The following FAM227B variants were observed in gnomAD, a reference collection of about 807,000 sequenced individuals.
FAM227B encodes family with sequence similarity 227 member B, also known as protein FAM227B.
Under a neutral mutation model 73.8 loss-of-function variants are expected in FAM227B, and 88 were observed. The ratio of observed to expected loss-of-function variants is 1.19; its 90% CI spans 1.00 to 1.42. FAM227B has a LOEUF of 1.42. FAM227B is among the 40% of genes most tolerant of loss of function. The pLI is 0.00. For synonymous variants in FAM227B, 210 were observed against 190.5 expected, an observed-to-expected ratio of 1.10 and a Z score of -0.84; for missense variants, 632 against 590.9, an observed-to-expected ratio of 1.07 and a Z score of -0.72.
chr15:49,538,604 C>T (rs1196779376), intron 10 of FAM227B, among the ~76,000 whole-genome samples: 1 of 152,128 alleles, frequency 6.6e-6, no homozygotes, highest in African/African-American at 2.4e-5. Flanking sequence ...TAAAATTTAA[C>T]TCTTTTAATG....
intron 9 of FAM227B, among the ~76,000 whole-genome samples, chr15:49,559,505 C>T (rs1332055711): frequency 6.6e-6 from 1 of 152,142 alleles, no homozygotes; most frequent in African/African-American, 2.4e-5. Context: ...CTAGGTCAAA[C>T]TGCACAGCTC....
At chr15:49,374,636 C>T (rs1260792893) in intron 11 of FAM227B, among the ~76,000 whole-genome samples, 2 of 152,194 alleles carry the variant, frequency 1.3e-5, no homozygotes, top group East Asian at 3.9e-4. Flanking sequence ...CTCCGCCTCC[C>T]AGGTTCAAGC....
chr15:49,358,407 A>G (rs1483813828), intron 13 of FAM227B, among the ~76,000 whole-genome samples: 1 of 126,076 alleles, frequency 7.9e-6, no homozygotes, highest in East Asian at 2.3e-4. Flanking sequence ...TACAAAATCA[A>G]TGTACAAAAA....
chr15:49,365,533 G>T, intron 13 of FAM227B: 1 of 858,754 alleles, frequency 1.2e-6, no homozygotes, highest in Non-Finnish European at 2.0e-6. Context: ...GATGACTACT[G>T]GCAATGTTTC....
chr15:49,362,422 GA>G (rs2044400831), intron 13 of FAM227B, among the ~76,000 whole-genome samples: 1 of 152,162 alleles, frequency 6.6e-6, no homozygotes, highest in African/African-American at 2.4e-5. Flanking sequence ...GCAGAACTGT[GA>G]GTCAGTTAAA....
chr15:49,489,841 T>TTATA (rs796713705), intron 11 of FAM227B, among the ~76,000 whole-genome samples: 2 of 23,000 alleles, frequency 8.7e-5, no homozygotes, highest in Admixed American at 7.8e-4. Flanking sequence ...TATATATATT[T>TTATA]TATATATATA....
intron 13 of FAM227B, chr15:49,366,303 A>G: frequency 1.3e-6 from 1 of 787,882 alleles, no homozygotes; most frequent in South Asian, 1.3e-5. Flanking sequence ...GGAAATTCAG[A>G]TCTGTTACCT....
intron 11 of FAM227B, among the ~76,000 whole-genome samples, chr15:49,459,841 C>T (rs1294481722): frequency 2.0e-5 from 3 of 152,136 alleles, no homozygotes; most frequent in African/African-American, 7.2e-5. Context: ...CTTCCCAATA[C>T]CATGTTGGTA....
intron 11 of FAM227B, among the ~76,000 whole-genome samples, chr15:49,476,484 T>G (rs2055332810): frequency 1.3e-5 from 2 of 152,024 alleles, no homozygotes; most frequent in Admixed American, 1.3e-4. Context: ...ATCCTACAAT[T>G]TCCAAAGTGT....
intron 11 of FAM227B, among the ~76,000 whole-genome samples, chr15:49,421,106 T>C (rs895323088): frequency 2.0e-5 from 3 of 152,250 alleles, no homozygotes; most frequent in Admixed American, 1.3e-4. Flanking sequence ...GTGCTTAATC[T>C]ATCACTATAG....
chr15:49,474,995 T>C (rs1335144003), intron 11 of FAM227B, among the ~76,000 whole-genome samples: 1 of 128,036 alleles, frequency 7.8e-6, no homozygotes, highest in Non-Finnish European at 1.6e-5. Context: ...ATTCAAACTA[T>C]AAAAGATAGA....
rs529064217 is a variant in FAM227B at position 49,558,407 on chromosome 15, G to A, written c.747+9838C>T. 1.2e-3 allele frequency among the ~76,000 whole-genome samples: 180 copies of A among 152,292 alleles called. 1 individual carries two copies. Among genetic ancestry groups the A allele is most frequent in the Admixed American group, 2.0e-3 (30 of 15,308 alleles). ...AGCACTGCTTGGGTAAAAGTGAAGT[G>A]CAAGTGTGCCATGTGCCCCACAGCT... On this transcript the variant is annotated intron_variant, in intron 9 of 15. Coordinates refer to ENST00000299338, the MANE Select transcript of FAM227B (RefSeq NM_152647.3).
At chr15:49,356,184 A>G (rs548057877) in intron 13 of FAM227B, among the ~76,000 whole-genome samples, 23 of 152,310 alleles carry the variant, frequency 1.5e-4, no homozygotes, top group African/African-American at 5.3e-4. Flanking sequence ...TGCATCAACT[A>G]ACGAGCAAAA....
intron 11 of FAM227B, among the ~76,000 whole-genome samples, chr15:49,479,599 G>GTTTTTTTTTTTTTTTTTTTTTTTTTTT (rs56097665): frequency 1.6e-5 from 1 of 63,292 alleles, no homozygotes; most frequent in African/African-American, 6.3e-5. Context: ...TAATACCTCT[G>GTTTTTTTTTTTTTTTTTTTTTTTTTTT]TTTTTTTTTT....
chr15:49,569,316 G>A (rs931901472), intron 8 of FAM227B, among the ~76,000 whole-genome samples: 1 of 151,678 alleles, frequency 6.6e-6, no homozygotes, highest in Non-Finnish European at 1.5e-5. Context: ...CTCAGAGACA[G>A]AACTTCTAGT....
intron 11 of FAM227B, among the ~76,000 whole-genome samples, chr15:49,419,258 A>G (rs779581712): frequency 8.5e-5 from 13 of 152,180 alleles, no homozygotes; most frequent in Non-Finnish European, 1.5e-4. Context: ...TGGCTCCCCA[A>G]ATATGGGGGC....
rs889688029 is a variant in FAM227B at position 49,366,253 on chromosome 15, G to A, written c.1271+1195C>T. 5 of 786,910 alleles carry A rather than the reference G, an allele frequency of 6.4e-6. No homozygotes were observed. In the African/African-American group the frequency reaches 6.8e-5, roughly 11 times the overall value. The allele number at this position is 786,910 out of a possible 1,614,324, so 48.7% of individuals were successfully genotyped here. ...CTAGAGTCTGCTTCATATCTATAAA[G>A]TCTTTGTCACTTATAAATGCAATCA... On this transcript the variant is annotated intron_variant, in intron 13 of 15. Transcript: ENST00000299338.
intron 13 of FAM227B, among the ~76,000 whole-genome samples, chr15:49,336,572 C>G (rs1161189894): frequency 3.3e-5 from 5 of 152,192 alleles, no homozygotes; most frequent in Non-Finnish European, 5.9e-5. Context: ...ATAGTTTGCC[C>G]ATTTTTAGAA....
intron 11 of FAM227B, among the ~76,000 whole-genome samples, chr15:49,416,985 A>G (rs908781960): frequency 6.6e-6 from 1 of 152,198 alleles, no homozygotes; most frequent in African/African-American, 2.4e-5. Context: ...TATACATTCA[A>G]TGCTATTCCT....
Sources: gnomAD v4.1 joint callset for allele counts (sites outside exome capture counted in the v4.1 genomes callset) on GRCh38, gnomAD v4.1.1 for gene constraint, MANE v1.5 for transcripts, NCBI Gene and HGNC (gene_info 2026-07-23, HGNC 2026-07-21) for gene names.